RNF123: variants seen among roughly 807,000 people sequenced by gnomAD.
RNF123 encodes E3 ubiquitin-protein ligase RNF123.
Under a neutral mutation model 168.5 loss-of-function variants are expected in RNF123, and 86 were observed. The ratio of observed to expected loss-of-function variants is 0.51; its 90% CI spans 0.43 to 0.61. RNF123 has a LOEUF of 0.61. Among genes scored for constraint, RNF123 ranks in the 20% least tolerant of loss-of-function variants. The pLI, the probability that RNF123 is intolerant of heterozygous loss-of-function variation, is 0.00. For missense variants in RNF123, 1,419 were observed against 1,729.7 expected (o/e 0.82, Z 3.19); for synonymous variants, 666 against 689.1 (o/e 0.97, Z 0.52).
At chr3:49,694,386 A>G (rs2054227954) in intron 3 of RNF123, among the ~76,000 whole-genome samples, 1 of 152,120 alleles carries the variant, frequency 6.6e-6, no homozygotes, top group African/African-American at 2.4e-5. Context: ...TCCCGTGAGT[A>G]TTTTTCCCCA....
chr3:49,707,507 A>G (rs1196745979), intron 26 of RNF123, among the ~76,000 whole-genome samples: 2 of 151,524 alleles, frequency 1.3e-5, no homozygotes, highest in African/African-American at 4.9e-5. Flanking sequence ...CTGAAGTTTC[A>G]CCCCCAGGCC....
chr3:49,719,697 T>C, intron 35 of RNF123: 1 of 511,256 alleles, frequency 2.0e-6, no homozygotes, highest in Non-Finnish European at 3.5e-6. Context: ...AGCGAGTTCC[T>C]GATCGGCTCC....
intron 26 of RNF123, among the ~76,000 whole-genome samples, chr3:49,709,524 T>A (rs1300337191): frequency 6.6e-6 from 1 of 151,994 alleles, no homozygotes; most frequent in East Asian, 1.9e-4. Flanking sequence ...ATGGTCTCGA[T>A]CTCCTGACCT....
chr3:49,713,948 A>T lies in RNF123; in HGVS notation c.2876A>T (p.Glu959Val), dbSNP rs757185839. The change falls in exon 30 of 39, where the codon GAG (glutamate) becomes GTG (valine). Residue 959 changes from glutamate to valine, a missense_variant. This residue lies in a region of RNF123 where 538 missense variants were observed against 708.8 expected (regional missense o/e 0.76). Coordinates refer to ENST00000327697, the MANE Select transcript of RNF123 (RefSeq NM_022064.5). ...AMVRNLLAPY[E>V]QRPWAQTNWI... The stretch of plus-strand genomic sequence containing the variant: ...GTGAGGAACCTCCTGGCGCCCTATG[A>T]GCAGCGGCCCTGGGCCCAGACCAAC... 6.2e-7 allele frequency: 1 copy of T among 1,613,984 alleles called. No homozygotes were observed. Among genetic ancestry groups the T allele is most frequent in the Non-Finnish European group, 8.5e-7 (1 of 1,179,974 alleles).
chr3:49,702,597 T>A (rs1260084115), intron 19 of RNF123, 36 bp from the exon 20 acceptor site: 3 of 1,614,194 alleles, frequency 1.9e-6, no homozygotes, highest in Non-Finnish European at 2.5e-6. Context: ...GGCACTGGAC[T>A]GGCACCAATG....
At chr3:49,701,779 C>T (rs1482406607) in intron 16 of RNF123, 32 bp from the exon 17 acceptor site, 1 of 1,550,386 alleles carries the variant, frequency 6.5e-7, no homozygotes, top group Non-Finnish European at 8.8e-7. Flanking sequence ...CCCAGGTGAC[C>T]CTGCTGTATT....
intron 1 of RNF123, among the ~76,000 whole-genome samples, chr3:49,690,621 C>T (rs1387978929): frequency 6.6e-6 from 1 of 152,176 alleles, no homozygotes; most frequent in African/African-American, 2.4e-5. Context: ...AGGGAGGAAC[C>T]CAGGGCTGAG....
At chr3:49,716,234 G>A in intron 34 of RNF123, 57 bp downstream of exon 34, 2 of 1,590,994 alleles carry the variant, frequency 1.3e-6, no homozygotes, top group South Asian at 1.1e-5. Context: ...TCCTCTGCTA[G>A]GAACAGTGAG....
At chr3:49,703,787 A>G (rs538180661) in intron 21 of RNF123, among the ~76,000 whole-genome samples, 1 of 152,268 alleles carries the variant, frequency 6.6e-6, no homozygotes, top group East Asian at 1.9e-4. Context: ...TGGGGCGTGC[A>G]GGTGCTGCCG....
At chr3:49,709,569 G>A (rs1336551351) in intron 26 of RNF123, among the ~76,000 whole-genome samples, 3 of 152,044 alleles carry the variant, frequency 2.0e-5, no homozygotes, top group Non-Finnish European at 2.9e-5. Context: ...CAAAGTGCTG[G>A]GATTACAGGC....
chr3:49,712,821 A>G, intron 27 of RNF123, 165 bp downstream of exon 27: 1 of 798,606 alleles, frequency 1.3e-6, no homozygotes, highest in Non-Finnish European at 2.1e-6. Flanking sequence ...AAACGTCTGC[A>G]CCCTGCCCTG....
At position 49,703,428 on chromosome 3, in the gene RNF123, G is replaced by A. The variant is rs1372437825; in HGVS notation, c.1752G>A (p.Glu584=). 6.2e-7 allele frequency: 1 copy of A among 1,613,806 alleles called. No individual in the cohort carries two copies. Among genetic ancestry groups the A allele is most frequent in the Non-Finnish European group, 8.5e-7 (1 of 1,179,802 alleles). The part of the protein sequence containing the change: ...ASNPHASFSE[E]AYIPPQVFYN... ...CCTAGCCTCCTCAATTCCTCGCAGA[G>A]GCCTACATCCCGCCCCAGGTCTTCT... The change falls in exon 21 of 39, where the codon GAG becomes GAA. Residue 584 remains glutamate, a splice_region_variant and synonymous_variant. Coordinates refer to ENST00000327697, the MANE Select transcript of RNF123 (RefSeq NM_022064.5).
At chr3:49,702,587 G>T in intron 19 of RNF123, 46 bp from the exon 20 acceptor site, 1 of 1,614,044 alleles carries the variant, frequency 6.2e-7, no homozygotes, top group South Asian at 1.1e-5. Flanking sequence ...GAATGGGCAA[G>T]GCACTGGACT....
Position 49,701,892 on chromosome 3 carries a change from C to T in RNF123, c.1477C>T (p.Leu493Phe). ...AGCCTACGAACGGGGCTGTCAGCGG[C>T]TCAGGAAGCGCATCGAAGGTCAGCC... is the stretch of plus-strand genomic sequence containing the variant. The part of the protein sequence containing the change: ...RRAYERGCQR[L>F]RKRIEVVEEL... The change falls in exon 17 of 39, where the codon CTC becomes TTC. Residue 493 changes from leucine to phenylalanine, a missense_variant. By Grantham distance (22) the Leu-to-Phe change is conservative (BLOSUM62 0). Transcript: ENST00000327697. 1 of 1,562,632 alleles carries T rather than the reference C, an allele frequency of 6.4e-7. No homozygotes were observed. Among genetic ancestry groups the T allele is most frequent in the Non-Finnish European group, 8.7e-7 (1 of 1,153,186 alleles).
intron 35 of RNF123, chr3:49,718,562 T>C (rs753397985): frequency 3.5e-5 from 56 of 1,612,940 alleles, no homozygotes; most frequent in Non-Finnish European, 4.6e-5. Context: ...GGGACGCTGG[T>C]GTTGCAGTAA....
At chr3:49,717,744 C>CA in intron 35 of RNF123, 1 of 630,488 alleles carries the variant, frequency 1.6e-6, no homozygotes, top group South Asian at 2.0e-5. Flanking sequence ...GGGTCCTGTG[C>CA]AGGGGCAGAG....
In RNF123 at chr3:49,701,843, C is replaced by A; in HGVS notation, c.1428C>A (p.Thr476=). The A allele has an allele frequency of 6.4e-7, 1 of 1,573,748 alleles. No homozygotes were observed. The highest frequency in any genetic ancestry group is 8.6e-7 in the Non-Finnish European group (1 of 1,160,018). Residue 476 remains threonine (T), a synonymous_variant, in exon 17 of 39, where the codon ACC becomes ACA. Transcript: ENST00000327697. ...GKESTEMKEE[T]AEERLRRRAY... Reference sequence around the variant, plus strand: ...AGAGCACGGAGATGAAGGAGGAGACCGCAGAGGAGCGGCTGCGGCGGCGAG... The same window carrying A: ...AGAGCACGGAGATGAAGGAGGAGACAGCAGAGGAGCGGCTGCGGCGGCGAG...
intron 31 of RNF123, among the ~76,000 whole-genome samples, chr3:49,715,238 C>G (rs2080216276): frequency 6.6e-6 from 1 of 152,228 alleles, no homozygotes; most frequent in South Asian, 2.1e-4. Context: ...CTAAGCCGCC[C>G]TGTTTAGGTC....
chr3:49,716,473 T>A lies in RNF123; in HGVS notation c.3496T>A (p.Ser1166Thr). ...LVQLLVRGPA[S>T]EREQATSVLL... is the part of the protein sequence containing the mutation. ...GCAGCTCCTGGTGCGTGGCCCAGCCTCAGAGTGAGTGTTGGGGACCGTGGG... is the reference window on the plus strand; with the variant it reads ...GCAGCTCCTGGTGCGTGGCCCAGCCACAGAGTGAGTGTTGGGGACCGTGGG... The change falls in exon 35 of 39, where the codon TCA (serine) becomes ACA (threonine). Residue 1166 changes from serine to threonine, a missense_variant. By Grantham distance (58) the Ser-to-Thr change is moderately conservative. This residue lies in a region of RNF123 where 164 missense variants were observed against 152.3 expected (regional missense o/e 1.08). Transcript: ENST00000327697. 9 of 1,613,720 alleles carry A rather than the reference T, an allele frequency of 5.6e-6. No individual in the cohort carries two copies. Among genetic ancestry groups the A allele is most frequent in the Non-Finnish European group, 7.6e-6 (9 of 1,179,758 alleles).
Sources: gnomAD v4.1 joint callset for allele counts (sites outside exome capture counted in the v4.1 genomes callset) on GRCh38, gnomAD v4.1.1 for gene constraint, gnomAD v4.1.1 regional missense constraint, MANE v1.5 for transcripts, NCBI Gene and HGNC (gene_info 2026-07-23, HGNC 2026-07-21) for gene names.